The following TNR variants were observed in gnomAD, a reference collection of about 807,000 sequenced individuals.
TNR encodes tenascin R, also known as tenascin-R.
Under a neutral mutation model 150.4 loss-of-function variants are expected in TNR, and 45 were observed. The ratio of observed to expected loss-of-function variants is 0.30; its 90% confidence interval spans 0.24 to 0.38. TNR has a LOEUF of 0.38. Ranked by LOEUF, TNR falls within the 10% of genes least tolerant of loss-of-function variation. The pLI is 1.00. For missense variants in TNR, 1,544 were observed against 1,759.1 expected (o/e 0.88, Z 2.19); for synonymous variants, 687 against 678.4 (o/e 1.01, Z -0.20).
chr1:175,495,351 T>G (rs919750415), intron 2 of TNR, among the ~76,000 whole-genome samples: 2 of 152,200 alleles, frequency 1.3e-5, no homozygotes, highest in African/African-American at 4.8e-5. Flanking sequence ...ATTTTTAATT[T>G]TAGTGGCTAC....
intron 18 of TNR, among the ~76,000 whole-genome samples, chr1:175,350,295 C>G (rs1202716189): frequency 2.6e-5 from 4 of 152,332 alleles, no homozygotes; most frequent in South Asian, 4.1e-4. Flanking sequence ...TACTTAACCT[C>G]AAGGTCAAGA....
chr1:175,698,369 C>T (rs1398914165), intron 1 of TNR, among the ~76,000 whole-genome samples: 2 of 152,076 alleles, frequency 1.3e-5, no homozygotes, highest in Non-Finnish European at 2.9e-5. Context: ...CGTGAAGGAA[C>T]CGAGGAATTC....
At chr1:175,386,656 C>T (rs879709739) in intron 7 of TNR, among the ~76,000 whole-genome samples, 6 of 150,672 alleles carry the variant, frequency 4.0e-5, no homozygotes, top group South Asian at 4.3e-4. Flanking sequence ...GGGTTTCTGG[C>T]GTGTGTCTGC....
intron 9 of TNR, among the ~76,000 whole-genome samples, chr1:175,374,087 G>A (rs887486014): frequency 6.6e-5 from 10 of 152,204 alleles, no homozygotes; most frequent in African/African-American, 9.7e-5. Context: ...GCTGCAGGGC[G>A]TTGAAGGTCT....
intron 2 of TNR, among the ~76,000 whole-genome samples, chr1:175,448,293 C>T (rs1656149006): frequency 6.6e-6 from 1 of 152,188 alleles, no homozygotes; most frequent in Non-Finnish European, 1.5e-5. Context: ...TCTTGGCTCA[C>T]TGCAACCTCC....
chr1:175,404,561 G>A (rs1314861615), intron 3 of TNR, among the ~76,000 whole-genome samples: 2 of 152,302 alleles, frequency 1.3e-5, no homozygotes, highest in East Asian at 3.9e-4. Context: ...TTTGCACTTG[G>A]CCTTGAGGAT....
rs1241540675 is a variant in TNR at position 175,366,135 on chromosome 1, A to G, written c.2057T>C (p.Leu686Pro). The G allele has an allele frequency of 6.3e-7, 1 of 1,596,770 alleles. No homozygotes were observed. The highest frequency in any genetic ancestry group is 1.7e-5 in the Admixed American group (1 of 58,434). Reference sequence around the variant, plus strand: ...CACCATGAGGTCTCGGGGACTGTCAAGTTCTGTGGATTGACATAAATGGCC... The same window carrying G: ...CACCATGAGGTCTCGGGGACTGTCAGGTTCTGTGGATTGACATAAATGGCC... The part of the protein sequence containing the change: ...VPATMNARTE[L>P]DSPRDLMVTA... The change falls in exon 11 of 23, where the codon CTT becomes CCT. Residue 686 changes from leucine to proline, a missense_variant. By Grantham distance (98) the Leu-to-Pro change is moderately conservative. Coordinates refer to ENST00000367674, the MANE Select transcript of TNR (RefSeq NM_003285.3).
At chr1:175,355,660 A>T (rs772469195) in intron 16 of TNR, 27 bp from the exon 17 acceptor site, 1 of 1,612,362 alleles carries the variant, frequency 6.2e-7, no homozygotes, top group Non-Finnish European at 8.5e-7. Context: ...GTGCCAGGGC[A>T]TGCCTGCCTC....
intron 9 of TNR, among the ~76,000 whole-genome samples, chr1:175,367,585 C>T (rs998604941): frequency 3.9e-5 from 6 of 152,162 alleles, no homozygotes; most frequent in African/African-American, 1.4e-4. Context: ...CATAAGTATA[C>T]AAGGACTCCT....
intron 2 of TNR, among the ~76,000 whole-genome samples, chr1:175,417,079 T>TAAATAAAC (rs1557920417): frequency 5.2e-4 from 32 of 60,964 alleles, no homozygotes; most frequent in Non-Finnish European, 1.0e-3. Flanking sequence ...AAGAAAGAAA[T>TAAATAAAC]CTAAGAAGTG....
chr1:175,416,159 CAT>C (rs1480833562), intron 2 of TNR, among the ~76,000 whole-genome samples: 3 of 152,044 alleles, frequency 2.0e-5, no homozygotes, highest in African/African-American at 7.2e-5. Context: ...ATATAAAACA[CAT>C]ATACAAACAC....
chr1:175,593,857 G>T (rs1211438046), intron 1 of TNR, among the ~76,000 whole-genome samples: 2 of 152,202 alleles, frequency 1.3e-5, no homozygotes, highest in African/African-American at 2.4e-5. Context: ...CTCCCAAACA[G>T]ATGGGGCACA....
rs201679207 is a variant in TNR, at chr1:175,672,683, G to C, written c.-165+70543C>G. 2.6e-5 allele frequency among the ~76,000 whole-genome samples: 4 copies of C among 152,280 alleles called. No homozygotes were observed. The East Asian group carries it at 7.7e-4, about 29-fold the overall frequency. On this transcript the variant is annotated intron_variant, in intron 1 of 22. Coordinates refer to ENST00000367674, the MANE Select transcript of TNR (RefSeq NM_003285.3). ...ACAGCTCTTTTTGCTGACAGCACTT[G>C]AGAAACTTCCAAACCACTCCCCAAG...
chr1:175,593,884 T>A (rs191437157), intron 1 of TNR, among the ~76,000 whole-genome samples: 14 of 152,326 alleles, frequency 9.2e-5, no homozygotes, highest in Admixed American at 8.5e-4. Context: ...ATATTTCACA[T>A]TGATGACTTC....
intron 15 of TNR, among the ~76,000 whole-genome samples, chr1:175,358,709 A>C (rs1041063935): frequency 2.0e-5 from 3 of 152,174 alleles, no homozygotes; most frequent in Non-Finnish European, 4.4e-5. Flanking sequence ...ACTCAACTCT[A>C]TTTTGCTTTG....
intron 1 of TNR, among the ~76,000 whole-genome samples, chr1:175,628,364 T>C (rs1558044371): frequency 1.3e-5 from 2 of 152,044 alleles, no homozygotes; most frequent in Admixed American, 1.3e-4. Context: ...TAAAGGGACC[T>C]ATGGGGAAGG....
intron 1 of TNR, among the ~76,000 whole-genome samples, chr1:175,614,599 G>A (rs945545872): frequency 1.2e-4 from 19 of 152,114 alleles, no homozygotes; most frequent in African/African-American, 4.6e-4. Flanking sequence ...ATCTCAAATT[G>A]TTAAAAGGAA....
At chr1:175,667,426 T>C (rs73033396) in intron 1 of TNR, among the ~76,000 whole-genome samples, 2,853 of 152,338 alleles carry the variant, frequency 0.019, 91 homozygotes, top group African/African-American at 0.065. Context: ...CCATCCAGCT[T>C]GTATGTGAAT....
intron 2 of TNR, among the ~76,000 whole-genome samples, chr1:175,421,552 G>A (rs1471245466): frequency 3.3e-5 from 5 of 152,174 alleles, no homozygotes; most frequent in African/African-American, 4.8e-5. Flanking sequence ...AGTCAGTGAC[G>A]TGTCTTTCTA....
Sources: allele counts gnomAD v4.1 joint callset (sites outside exome capture counted in the v4.1 genomes callset), GRCh38; gene constraint gnomAD v4.1.1; transcripts MANE v1.5; gene names NCBI Gene and HGNC (gene_info 2026-07-23, HGNC 2026-07-21).